Variants in GRK5 observed in about 807,000 individuals in gnomAD.
GRK5 encodes g protein-coupled receptor kinase GRK5.
In GRK5, 40 loss-of-function variants were observed where a neutral mutation model predicts 78.4. The ratio of observed to expected loss-of-function variants is 0.51; its 90% CI spans 0.40 to 0.66. The LOEUF (loss-of-function observed/expected upper bound fraction) is 0.66, where lower values mean the gene tolerates loss of function less well. Among genes scored for constraint, GRK5 ranks in the 30% least tolerant of loss-of-function variants. The pLI, the probability that GRK5 is intolerant of heterozygous loss-of-function variation, is 0.00. For missense variants in GRK5, 598 were observed against 759.9 expected (o/e 0.79, Z 2.50); for synonymous variants, 289 against 296.8 (o/e 0.97, Z 0.27).
chr10:119,299,098 A>T (rs1425766987), intron 1 of GRK5, among the ~76,000 whole-genome samples: 3 of 152,242 alleles, frequency 2.0e-5, no homozygotes, highest in African/African-American at 7.2e-5. Flanking sequence ...GACCAGCAGA[A>T]TGAATAAATG....
intron 2 of GRK5, among the ~76,000 whole-genome samples, chr10:119,327,106 G>T: frequency 6.6e-6 from 1 of 152,144 alleles, no homozygotes; most frequent in East Asian, 1.9e-4. Context: ...GGGGGATGTG[G>T]GGTGAGGTGG....
intron 1 of GRK5, among the ~76,000 whole-genome samples, chr10:119,221,595 T>C (rs1355880743): frequency 1.3e-5 from 2 of 152,216 alleles, no homozygotes; most frequent in African/African-American, 2.4e-5. Context: ...GAATGAGCCA[T>C]TTAAATTCTC....
intron 1 of GRK5, among the ~76,000 whole-genome samples, chr10:119,314,124 G>A (rs1850442923): frequency 6.6e-6 from 1 of 152,244 alleles, no homozygotes; most frequent in Non-Finnish European, 1.5e-5. Flanking sequence ...CACTGGGAGG[G>A]CTGGGGTGTA....
intron 1 of GRK5, among the ~76,000 whole-genome samples, chr10:119,320,096 C>A (rs1850557815): frequency 6.6e-6 from 1 of 152,232 alleles, no homozygotes; most frequent in South Asian, 2.1e-4. Context: ...GAAGAACAAG[C>A]ATTCCTGGCA....
At chr10:119,404,359 G>A (rs982931821) in intron 4 of GRK5, among the ~76,000 whole-genome samples, 2 of 152,122 alleles carry the variant, frequency 1.3e-5, no homozygotes, top group African/African-American at 4.8e-5. Flanking sequence ...TTTGAATTGG[G>A]TTGTTTGTCT....
intron 4 of GRK5, among the ~76,000 whole-genome samples, chr10:119,403,732 C>A (rs1245015125): frequency 6.6e-6 from 1 of 152,106 alleles, no homozygotes; most frequent in Non-Finnish European, 1.5e-5. Context: ...CCCCCGGGTT[C>A]AAGTGATCCT....
intron 12 of GRK5, among the ~76,000 whole-genome samples, chr10:119,444,147 C>G (rs1369417775): frequency 6.6e-6 from 1 of 152,074 alleles, no homozygotes; most frequent in Admixed American, 6.5e-5. Context: ...CCCTCCACCT[C>G]TGGATCCTAA....
chr10:119,247,785 T>C (rs1421317176), intron 1 of GRK5, among the ~76,000 whole-genome samples: 1 of 152,228 alleles, frequency 6.6e-6, no homozygotes, highest in African/African-American at 2.4e-5. Context: ...GACTTGTAAC[T>C]AGTACCTCAA....
At chr10:119,403,004 G>A (rs964773814) in intron 4 of GRK5, among the ~76,000 whole-genome samples, 22 of 152,198 alleles carry the variant, frequency 1.4e-4, no homozygotes, top group Middle Eastern at 3.4e-3. Context: ...CTGATTCCAG[G>A]GCATTTTATC....
At chr10:119,408,743 T>TG (rs909496852) in intron 4 of GRK5, among the ~76,000 whole-genome samples, 2 of 151,974 alleles carry the variant, frequency 1.3e-5, no homozygotes, top group Non-Finnish European at 1.5e-5. Context: ...GAGTGTCTGT[T>TG]GGGATGATAA....
chr10:119,450,143 AGT>A (rs1853245467), intron 13 of GRK5, among the ~76,000 whole-genome samples: 2 of 152,172 alleles, frequency 1.3e-5, no homozygotes, highest in Admixed American at 6.5e-5. Context: ...CATAGTGTTG[AGT>A]GCATGAACAT....
At chr10:119,279,126 C>G (rs1024725860) in intron 1 of GRK5, among the ~76,000 whole-genome samples, 5 of 152,176 alleles carry the variant, frequency 3.3e-5, no homozygotes, top group South Asian at 2.1e-4. Flanking sequence ...GTGATCCACC[C>G]GCCTTGGCCT....
intron 1 of GRK5, among the ~76,000 whole-genome samples, chr10:119,240,377 A>G (rs554791129): frequency 1.1e-4 from 17 of 150,338 alleles, no homozygotes; most frequent in Non-Finnish European, 1.9e-4. Context: ...ATTTTTTTGT[A>G]TTTTTAGTAG....
At position 119,264,609 on chromosome 10, in the gene GRK5, G is replaced by A. The variant is rs995535121; in HGVS notation, c.52+56640G>A. ...CAAGGCATGATTCTCATCGGGGCTT[G>A]GGTTTTGTGTACACATCTGAAATTG... On this transcript the variant is annotated intron_variant, in intron 1 of 15. Transcript: ENST00000392870. This position sits in a 1 kb window ranked among gnomAD's most constrained non-coding sequence, Gnocchi z 4.1. 6.6e-6 allele frequency among the ~76,000 whole-genome samples: 1 copy of A among 152,190 alleles called. No homozygotes were observed. The highest frequency in any genetic ancestry group is 6.5e-5 in the Admixed American group (1 of 15,286).
At position 119,382,571 on chromosome 10, in the gene GRK5, A is replaced by G. The variant is rs116005331; in HGVS notation, c.261+1644A>G. Among the ~76,000 whole-genome samples the G allele has an allele frequency of 3.8e-3, 572 of 152,204 alleles. 5 individuals carry two copies. Among genetic ancestry groups the G allele is most frequent in the African/African-American group, 0.013 (531 of 41,492 alleles). On this transcript the variant is annotated intron_variant, in intron 3 of 15. Transcript: ENST00000392870. ...ATTCCTCCATCCTTTACTCTGTAAC[A>G]CTTTGTAGCAATTTTCACATATTAT...
At chr10:119,292,069 T>G (rs1353292928) in intron 1 of GRK5, among the ~76,000 whole-genome samples, 1 of 128,690 alleles carries the variant, frequency 7.8e-6, no homozygotes, top group African/African-American at 3.0e-5. Context: ...CTCTTCCTCC[T>G]TCTCCTCCTC....
rs1420879763 is a variant in GRK5 at position 119,271,928 on chromosome 10, A to T, written c.53-54588A>T. ...GTGGAAATCATTTGGCATGATGCCTACTCTTATTCCTTGTCTGTGGGGCCC... is the reference window on the plus strand; with the variant it reads ...GTGGAAATCATTTGGCATGATGCCTTCTCTTATTCCTTGTCTGTGGGGCCC... On this transcript the variant is annotated intron_variant, in intron 1 of 15. Coordinates refer to ENST00000392870, the MANE Select transcript of GRK5 (RefSeq NM_005308.3). This position sits in a 1 kb window ranked among gnomAD's most constrained non-coding sequence, Gnocchi z 4.1. Among the ~76,000 whole-genome samples, 1 of 152,020 alleles carries T rather than the reference A, an allele frequency of 6.6e-6. No individual in the cohort carries two copies. The highest frequency in any genetic ancestry group is 1.9e-4 in the East Asian group (1 of 5,160).
rs566411838 is a variant in GRK5, at chr10:119,277,335, G to A, written c.53-49181G>A. On this transcript the variant is annotated intron_variant, in intron 1 of 15. Coordinates refer to ENST00000392870, the MANE Select transcript of GRK5 (RefSeq NM_005308.3). The stretch of plus-strand genomic sequence containing the variant: ...GCTCTCCAAACTAGTTGTGGAGGAC[G>A]CGAAGGGGTTTCCTGATGTCAAAAT... 7.9e-5 allele frequency among the ~76,000 whole-genome samples: 12 copies of A among 152,252 alleles called. No individual in the cohort carries two copies. In the South Asian group the frequency reaches 2.3e-3, roughly 29 times the overall value.
At chr10:119,356,139 CA>C (rs1396508254) in intron 2 of GRK5, among the ~76,000 whole-genome samples, 14 of 152,178 alleles carry the variant, frequency 9.2e-5, no homozygotes, top group African/African-American at 3.4e-4. Flanking sequence ...TATTACAACC[CA>C]GCTCTATGAA....
Sources: allele counts gnomAD v4.1 joint callset (sites outside exome capture counted in the v4.1 genomes callset), GRCh38; gene constraint gnomAD v4.1.1; non-coding constraint Gnocchi (gnomAD v3.1); transcripts MANE v1.5; gene names NCBI Gene and HGNC (gene_info 2026-07-23, HGNC 2026-07-21).